CDC14B: variants seen among roughly 807,000 people sequenced by gnomAD.
The protein encoded by CDC14B is dual specificity protein phosphatase CDC14B.
CDC14B carries 22 observed loss-of-function variants against 64.2 expected under a neutral mutation model. The observed-to-expected ratio is 0.34, with a 90% CI of 0.24 to 0.49. The LOEUF is 0.49. Ranked by LOEUF, CDC14B falls within the 20% of genes least tolerant of loss-of-function variation. CDC14B has a pLI of 0.99. For synonymous variants in CDC14B, 191 were observed against 215.8 expected (o/e 0.89, Z 1.01); for missense variants, 498 against 629.9 (o/e 0.79, Z 2.24).
intron 5 of CDC14B, among the ~76,000 whole-genome samples, chr9:96,548,867 T>C (rs1387781699): frequency 6.6e-6 from 1 of 152,036 alleles, no homozygotes; most frequent in African/African-American, 2.4e-5. Flanking sequence ...AAATAAAACA[T>C]TGCTACAGAA....
chr9:96,572,092 T>A (rs1844513274), intron 1 of CDC14B, among the ~76,000 whole-genome samples: 1 of 152,140 alleles, frequency 6.6e-6, no homozygotes, highest in African/African-American at 2.4e-5. Context: ...TGAGAACTCA[T>A]CCACATGCCC....
intron 7 of CDC14B, chr9:96,538,607 T>G (rs1381124322): frequency 1.3e-5 from 2 of 152,858 alleles, no homozygotes; most frequent in South Asian, 4.1e-4. Flanking sequence ...TACCTGTGAT[T>G]CCAGCTACTT....
chr9:96,585,274 T>C (rs1342534924), intron 1 of CDC14B, among the ~76,000 whole-genome samples: 3 of 151,886 alleles, frequency 2.0e-5, no homozygotes, highest in Non-Finnish European at 2.9e-5. Flanking sequence ...ACATGTGGCA[T>C]GGTGGTTTGC....
At chr9:96,613,259 T>C (rs1847429939) in intron 1 of CDC14B, among the ~76,000 whole-genome samples, 2 of 152,344 alleles carry the variant, frequency 1.3e-5, no homozygotes, top group South Asian at 2.1e-4. Flanking sequence ...TTCCAAGAAA[T>C]GTCACTTGTG....
At position 96,552,317 on chromosome 9, in the gene CDC14B, G is replaced by C. The variant is rs16911237; in HGVS notation, c.421-445C>G. ...GACTGTGATTAACTCTGTCCATGTA[G>C]GTGTGAGGGCTTGCAATACTGAACA... is the stretch of plus-strand genomic sequence containing the variant. On this transcript the variant is annotated intron_variant, in intron 4 of 13. Coordinates refer to ENST00000375241, the MANE Select transcript of CDC14B (RefSeq NM_033331.4). Among the ~76,000 whole-genome samples the C allele has an allele frequency of 1.4e-4, 21 of 152,302 alleles. 1 individual carries two copies. In the East Asian group the frequency reaches 4.0e-3, roughly 29 times the overall value.
rs541766814 is a variant in CDC14B, at chr9:96,611,127, C to G, written c.160+8092G>C. Among the ~76,000 whole-genome samples the G allele has an allele frequency of 1.6e-4, 24 of 150,340 alleles. 1 individual carries two copies. In the South Asian group the frequency reaches 5.1e-3, roughly 32 times the overall value. ...AAGAGAGAGAGAAAAGGGCGTAAAACTTTCATATAAACTAGAGAGTCCAGA... is the reference window on the plus strand; with the variant it reads ...AAGAGAGAGAGAAAAGGGCGTAAAAGTTTCATATAAACTAGAGAGTCCAGA... On this transcript the variant is annotated intron_variant, in intron 1 of 13. Coordinates refer to ENST00000375241, the MANE Select transcript of CDC14B (RefSeq NM_033331.4).
At chr9:96,526,051 T>C (rs1369868854) in intron 9 of CDC14B, among the ~76,000 whole-genome samples, 9 of 151,942 alleles carry the variant, frequency 5.9e-5, no homozygotes, top group Non-Finnish European at 1.3e-4. Context: ...CCTAATCCAA[T>C]AGGACTGTTG....
At chr9:96,579,454 C>T (rs112838607) in intron 1 of CDC14B, among the ~76,000 whole-genome samples, 12 of 152,066 alleles carry the variant, frequency 7.9e-5, no homozygotes, top group African/African-American at 2.2e-4. Flanking sequence ...TGCATGATGG[C>T]GAGTGCCTGT....
intron 7 of CDC14B, among the ~76,000 whole-genome samples, chr9:96,537,799 G>A (rs1448181893): frequency 2.6e-5 from 4 of 151,790 alleles, no homozygotes; most frequent in Non-Finnish European, 2.9e-5. Flanking sequence ...CTTGGCTCAC[G>A]GCAACCTCTG....
intron 1 of CDC14B, among the ~76,000 whole-genome samples, chr9:96,571,920 C>G (rs774986767): frequency 1.3e-5 from 2 of 152,166 alleles, no homozygotes; most frequent in African/African-American, 2.4e-5. Flanking sequence ...AACAGACAGG[C>G]CTTGCTGGGT....
chr9:96,523,171 T>G (rs1837003203), intron 11 of CDC14B, 90 bp downstream of exon 11: 3 of 1,365,948 alleles, frequency 2.2e-6, no homozygotes, highest in African/African-American at 2.9e-5. Flanking sequence ...AGCTGCTTTA[T>G]TATTTTACCT....
intron 9 of CDC14B, among the ~76,000 whole-genome samples, chr9:96,529,610 G>A (rs1225423410): frequency 2.0e-5 from 3 of 150,582 alleles, no homozygotes; most frequent in Admixed American, 6.7e-5. Flanking sequence ...TGCTATCTAA[G>A]CTTCCCGAGT....
At chr9:96,535,534 TGAAATG>T (rs922239181) in intron 7 of CDC14B, among the ~76,000 whole-genome samples, 4 of 152,194 alleles carry the variant, frequency 2.6e-5, no homozygotes, top group African/African-American at 9.7e-5. Flanking sequence ...TCTGTCTTAA[TGAAATG>T]GACAACAGAG....
chr9:96,600,602 G>A (rs1032171589), intron 1 of CDC14B, among the ~76,000 whole-genome samples: 3 of 151,736 alleles, frequency 2.0e-5, no homozygotes, highest in African/African-American at 4.8e-5. Context: ...TCCTGAGTTC[G>A]AGCGATTCTC....
chr9:96,613,333 C>A (rs1847434131), intron 1 of CDC14B, among the ~76,000 whole-genome samples: 1 of 152,200 alleles, frequency 6.6e-6, no homozygotes, highest in African/African-American at 2.4e-5. Flanking sequence ...CTCTTCCTAA[C>A]CCCAGCAGAA....
rs187641719 is a variant in CDC14B, at chr9:96,591,902, C to A, written c.161-26419G>T. Among the ~76,000 whole-genome samples the A allele has an allele frequency of 4.5e-3, 688 of 152,062 alleles. 9 individuals carry two copies. Among genetic ancestry groups the A allele is most frequent in the South Asian group, 0.03 (144 of 4,798 alleles). ...CTGGGACTACAGGCGCCCACCAACT[C>A]GCCCGGCTAATTTTTTGTATTTTTA... On this transcript the variant is annotated intron_variant, in intron 1 of 13. Coordinates refer to ENST00000375241, the MANE Select transcript of CDC14B (RefSeq NM_033331.4).
chr9:96,566,778 C>T, intron 1 of CDC14B: 2 of 1,608,024 alleles, frequency 1.2e-6, no homozygotes, highest in South Asian at 2.2e-5. Context: ...CTTTGATCAC[C>T]TCGGCTACCA....
At chr9:96,550,621 T>C (rs1841660981) in intron 5 of CDC14B, among the ~76,000 whole-genome samples, 1 of 152,358 alleles carries the variant, frequency 6.6e-6, no homozygotes, top group South Asian at 2.1e-4. Context: ...TTATTATTAA[T>C]TTGTGAATGG....
At chr9:96,545,220 T>A (rs1840629403) in intron 5 of CDC14B, among the ~76,000 whole-genome samples, 1 of 152,072 alleles carries the variant, frequency 6.6e-6, no homozygotes, top group South Asian at 2.1e-4. Context: ...GAAAATGAAG[T>A]ACTTTAGCCT....
Sources: allele counts gnomAD v4.1 joint callset (sites outside exome capture counted in the v4.1 genomes callset), GRCh38; gene constraint gnomAD v4.1.1; transcripts MANE v1.5; gene names NCBI Gene and HGNC (gene_info 2026-07-23, HGNC 2026-07-21).